The following FAR2 variants were observed in gnomAD, a reference collection of about 807,000 sequenced individuals.
The protein encoded by FAR2 is epididymis secretory protein Li 81.
Under a neutral mutation model 56.0 loss-of-function variants are expected in FAR2, and 19 were observed. That is an observed-to-expected ratio of 0.34 (90% CI 0.24 to 0.50). The LOEUF is 0.50. FAR2 is among the 20% of genes least tolerant of loss of function. The pLI is 0.98. For missense variants in FAR2, 508 were observed against 642.2 expected, an observed-to-expected ratio of 0.79 and a Z score of 2.26; for synonymous variants, 219 against 218.8, an observed-to-expected ratio of 1.00 and a Z score of -0.01.
intron 1 of FAR2, among the ~76,000 whole-genome samples, chr12:29,199,614 A>AG (rs1489301314): frequency 2.6e-5 from 1 of 37,884 alleles, no homozygotes; most frequent in Non-Finnish European, 9.2e-5. Context: ...AAAAAAAAAA[A>AG]AGAAAGAAAA....
chr12:29,241,457 T>TATATA (rs1340476038), intron 1 of FAR2, among the ~76,000 whole-genome samples: 1 of 152,152 alleles, frequency 6.6e-6, no homozygotes, highest in African/African-American at 2.4e-5. Context: ...TTTTAGTGTG[T>TATATA]ATATACTACT....
At chr12:29,264,652 T>TAAAA (rs1948481076) in intron 1 of FAR2, among the ~76,000 whole-genome samples, 1 of 107,270 alleles carries the variant, frequency 9.3e-6, no homozygotes, top group Non-Finnish European at 1.9e-5. Context: ...AATAAATAAA[T>TAAAA]AAATAAAGGA....
rs1248063214 is a variant in FAR2 at position 29,305,984 on chromosome 12, GT to G, written c.546-1661del. On this transcript the variant is annotated intron_variant, in intron 4 of 11. Transcript: ENST00000536681. ...ATTATTGGGCTCTGATGTTTCCTAG[GT>G]TTTTTTTTTTTTACAGCTTTATTGA... Among the ~76,000 whole-genome samples the G allele has an allele frequency of 2.7e-3, 380 of 142,968 alleles. 1 individual carries two copies. Among genetic ancestry groups the G allele is most frequent in the East Asian group, 0.011 (53 of 4,980 alleles). 93.8% of individuals were successfully genotyped at this position (142,968 alleles called of 152,430 possible).
chr12:29,226,934 TG>T (rs1315547074), intron 1 of FAR2, among the ~76,000 whole-genome samples: 1 of 152,204 alleles, frequency 6.6e-6, no homozygotes, highest in Admixed American at 6.5e-5. Flanking sequence ...CATAACCTGG[TG>T]GAGCATTACA....
At chr12:29,324,809 G>A (rs11050190) in intron 10 of FAR2, among the ~76,000 whole-genome samples, 47,976 of 151,926 alleles carry the variant, frequency 0.32, 7,660 homozygotes, top group East Asian at 0.35. Flanking sequence ...CAAATTGTAA[G>A]GATCATCAAG....
chr12:29,240,228 A>C (rs1948005693), intron 1 of FAR2, among the ~76,000 whole-genome samples: 1 of 152,196 alleles, frequency 6.6e-6, no homozygotes, highest in East Asian at 1.9e-4. Flanking sequence ...GTAAGCAAAA[A>C]CATAACTCAT....
chr12:29,225,730 T>G (rs561462130), intron 1 of FAR2, among the ~76,000 whole-genome samples: 1 of 152,296 alleles, frequency 6.6e-6, no homozygotes, highest in Non-Finnish European at 1.5e-5. Context: ...AAGAGAATGA[T>G]TTTCTGTCTC....
chr12:29,264,661 G>T (rs200684119), intron 1 of FAR2, among the ~76,000 whole-genome samples: 4 of 29,372 alleles, frequency 1.4e-4, no homozygotes, highest in African/African-American at 1.3e-3. Context: ...ATAAATAAAG[G>T]AGAGAGAGAG....
chr12:29,310,889 A>G (rs1949336324), intron 6 of FAR2, 139 bp from the exon 7 acceptor site: 10 of 665,790 alleles, frequency 1.5e-5, no homozygotes, highest in East Asian at 1.1e-4. Flanking sequence ...CAGACTTAGC[A>G]TAAGAACCTG....
intron 9 of FAR2, among the ~76,000 whole-genome samples, chr12:29,319,771 C>T (rs369578291): frequency 6.6e-5 from 10 of 152,240 alleles, no homozygotes; most frequent in South Asian, 2.1e-4. Flanking sequence ...GCACAGTAAT[C>T]GTAACCTATT....
At chr12:29,181,080 C>T (rs1169250292) in intron 1 of FAR2, among the ~76,000 whole-genome samples, 1 of 152,020 alleles carries the variant, frequency 6.6e-6, no homozygotes, top group African/African-American at 2.4e-5. Context: ...TATAGAATTG[C>T]ATGTTTTTCT....
chr12:29,319,136 G>A (rs919155590), intron 9 of FAR2, among the ~76,000 whole-genome samples: 3 of 151,640 alleles, frequency 2.0e-5, no homozygotes, highest in African/African-American at 7.3e-5. Context: ...GATTACAGGC[G>A]CCCGCCACTG....
chr12:29,293,513 T>C (rs1418223639), intron 3 of FAR2, 38 bp downstream of exon 3: 7 of 1,346,018 alleles, frequency 5.2e-6, no homozygotes, highest in African/African-American at 1.5e-5. Flanking sequence ...TGTATACATA[T>C]GTGTGCATGT....
At chr12:29,189,232 A>G (rs1950077366) in intron 1 of FAR2, among the ~76,000 whole-genome samples, 1 of 150,124 alleles carries the variant, frequency 6.7e-6, no homozygotes, top group African/African-American at 2.5e-5. Flanking sequence ...TTATTCAAAC[A>G]TTTATTTATT....
At chr12:29,241,740 G>A (rs908246381) in intron 1 of FAR2, among the ~76,000 whole-genome samples, 1 of 152,180 alleles carries the variant, frequency 6.6e-6, no homozygotes, top group African/African-American at 2.4e-5. Flanking sequence ...AAAGTCTCCT[G>A]TTTCCTGTTG....
intron 1 of FAR2, among the ~76,000 whole-genome samples, chr12:29,267,213 G>A (rs530294868): frequency 2.0e-5 from 3 of 152,170 alleles, no homozygotes; most frequent in East Asian, 1.9e-4. Context: ...CAAAATGTAC[G>A]AGACAGGACA....
chr12:29,289,590 C>T (rs1948930105), intron 2 of FAR2, among the ~76,000 whole-genome samples: 1 of 152,138 alleles, frequency 6.6e-6, no homozygotes. Context: ...GAAACTACTA[C>T]AAGAAAACAT....
intron 1 of FAR2, among the ~76,000 whole-genome samples, chr12:29,260,330 C>T (rs1430297901): frequency 6.6e-6 from 1 of 152,082 alleles, no homozygotes; most frequent in Non-Finnish European, 1.5e-5. Flanking sequence ...GGGAGGAATT[C>T]CTTTTGACAT....
intron 1 of FAR2, among the ~76,000 whole-genome samples, chr12:29,193,598 A>G (rs1950120461): frequency 6.6e-6 from 1 of 152,152 alleles, no homozygotes; most frequent in African/African-American, 2.4e-5. Flanking sequence ...TTTAGCCCTG[A>G]ATTATATTCC....
Sources: allele counts gnomAD v4.1 joint callset (sites outside exome capture counted in the v4.1 genomes callset), GRCh38; gene constraint gnomAD v4.1.1; transcripts MANE v1.5; gene names NCBI Gene and HGNC (gene_info 2026-07-23, HGNC 2026-07-21).